MARCHF8: variants seen among roughly 807,000 people sequenced by gnomAD.
MARCHF8 encodes membrane associated ring-CH-type finger 8.
Under a neutral mutation model 51.6 loss-of-function variants are expected in MARCHF8, and 40 were observed. The ratio of observed to expected loss-of-function variants is 0.77; its 90% CI spans 0.60 to 1.01. MARCHF8 has a LOEUF of 1.01. Among genes scored for constraint, MARCHF8 ranks in the 50% least tolerant of loss-of-function variants. The probability of loss-of-function intolerance (pLI) is 0.00; values close to 1 mark genes in which losing one functional copy is unlikely to be tolerated. For missense variants in MARCHF8, 685 were observed against 708.6 expected, an observed-to-expected ratio of 0.97 and a Z score of 0.38; for synonymous variants, 263 against 280.3, an observed-to-expected ratio of 0.94 and a Z score of 0.62.
intron 5 of MARCHF8, chr10:45,461,902 A>G (rs1200025473): frequency 6.6e-6 from 1 of 152,332 alleles, no homozygotes; most frequent in African/African-American, 2.4e-5. Flanking sequence ...TCTCTCAGCA[A>G]GTAAACAAAG....
intron 2 of MARCHF8, among the ~76,000 whole-genome samples, chr10:45,497,252 T>C (rs1050549829): frequency 6.6e-6 from 1 of 152,156 alleles, no homozygotes; most frequent in Admixed American, 6.5e-5. Flanking sequence ...TCAACCATCA[T>C]GAAGGTATAA....
chr10:45,540,030 T>C (rs1251176955), upstream of MARCHF8, among the ~76,000 whole-genome samples: 1 of 152,142 alleles, frequency 6.6e-6, no homozygotes, highest in Non-Finnish European at 1.5e-5. Context: ...TACAAACCAC[T>C]GCTCAATGAA....
intron 3 of MARCHF8, among the ~76,000 whole-genome samples, chr10:45,467,704 A>T (rs1843014627): frequency 1.3e-5 from 2 of 151,694 alleles, no homozygotes; most frequent in South Asian, 4.2e-4. Flanking sequence ...ACTAGATGGG[A>T]CAGGACCAGC....
chr10:45,486,033 T>C (rs1027028404), intron 3 of MARCHF8, among the ~76,000 whole-genome samples: 1 of 152,210 alleles, frequency 6.6e-6, no homozygotes, highest in African/African-American at 2.4e-5. Context: ...CTCCCTTCCT[T>C]GGTCCCACTG....
At chr10:45,528,484 C>T (rs996051238) in intron 2 of MARCHF8, among the ~76,000 whole-genome samples, 3 of 152,080 alleles carry the variant, frequency 2.0e-5, no homozygotes, top group Admixed American at 6.6e-5. Context: ...GTTTTTGAAA[C>T]GGTCTCACTC....
At chr10:45,576,178 AAC>A (rs1013026601) in intron 1 of MARCHF8, among the ~76,000 whole-genome samples, 3 of 152,186 alleles carry the variant, frequency 2.0e-5, no homozygotes, top group African/African-American at 7.2e-5. Context: ...AGATCAAGAG[AAC>A]AGAATACAAA....
At chr10:45,551,819 C>CTA (rs1395612511) in intron 1 of MARCHF8, among the ~76,000 whole-genome samples, 2 of 150,952 alleles carry the variant, frequency 1.3e-5, no homozygotes, top group Non-Finnish European at 3.0e-5. Context: ...AGCTATCTAT[C>CTA]TATATATATA....
In MARCHF8 at chr10:45,463,523, G is replaced by C. The variant is rs1236791911; in HGVS notation, c.716C>G (p.Pro239Arg). The C allele has an allele frequency of 6.4e-7, 1 of 1,550,530 alleles. No individual in the cohort carries two copies. Among genetic ancestry groups the C allele is most frequent in the Non-Finnish European group, 8.7e-7 (1 of 1,147,024 alleles). The change falls in exon 5 of 8, where the codon CCC (proline) becomes CGC (arginine). Residue 239 changes from proline (P) to arginine (R), a missense_variant. Coordinates refer to ENST00000453424, the MANE Select transcript of MARCHF8 (RefSeq NM_001282866.2). ...SEVEAGKGGR[P>R]GLLLEEKADG... Reference sequence around the variant, plus strand: ...CGCCTTCTCTTCCAGCAGCAGGCCGGGCCTGCCCCCCTTGCCAGCTTCCAC... The same window carrying C: ...CGCCTTCTCTTCCAGCAGCAGGCCGCGCCTGCCCCCCTTGCCAGCTTCCAC...
At chr10:45,562,590 G>A (rs1464479695) in intron 1 of MARCHF8, among the ~76,000 whole-genome samples, 1 of 152,090 alleles carries the variant, frequency 6.6e-6, no homozygotes. Context: ...AAGTAACAGA[G>A]TTTATGACCA....
Position 45,508,816 on chromosome 10 carries a change from A to C in MARCHF8, c.103-19399T>G, listed in dbSNP as rs143095346. On this transcript the variant is annotated intron_variant, in intron 2 of 7. Transcript: ENST00000453424. ...CTTTAACTATAGAGTTCATTATTAC[A>C]TTTTAAATTGTTTAAAATTTTTTTA... is the stretch of plus-strand genomic sequence containing the variant. Among the ~76,000 whole-genome samples the C allele has an allele frequency of 3.0e-3, 458 of 152,298 alleles. 1 individual carries two copies. The highest frequency in any genetic ancestry group is 4.3e-3 in the Non-Finnish European group (290 of 68,030).
chr10:45,461,130 G>T, intron 6 of MARCHF8, 101 bp downstream of exon 6: 1 of 873,782 alleles, frequency 1.1e-6, no homozygotes, highest in East Asian at 3.0e-5. Context: ...AGCTTTTTAA[G>T]GAAATGAACG....
chr10:45,540,691 G>C (rs1266566947), intron 1 of MARCHF8, among the ~76,000 whole-genome samples: 1 of 152,114 alleles, frequency 6.6e-6, no homozygotes. Flanking sequence ...CTAATATCCA[G>C]AATCTACAAT....
At chr10:45,576,562 G>A (rs1353502267) in intron 1 of MARCHF8, among the ~76,000 whole-genome samples, 1 of 152,074 alleles carries the variant, frequency 6.6e-6, no homozygotes, top group African/African-American at 2.4e-5. Flanking sequence ...GTTAATAGTT[G>A]TTAATATATG....
In MARCHF8 at chr10:45,560,685, G is replaced by A. The variant is rs376722337; in HGVS notation, c.-78-27396C>T. Among the ~76,000 whole-genome samples, 26 of 152,242 alleles carry A rather than the reference G, an allele frequency of 1.7e-4. No individual in the cohort carries two copies. In the East Asian group the frequency reaches 2.3e-3, roughly 14 times the overall value. ...ATGTGAGTGCATTTTTTCTCCTGTCGTTCAGCCAGGGTCTGCGGGTCGGAC... is the reference window on the plus strand; with the variant it reads ...ATGTGAGTGCATTTTTTCTCCTGTCATTCAGCCAGGGTCTGCGGGTCGGAC... On this transcript the variant is annotated intron_variant, in intron 1 of 6. Coordinates refer to the MARCHF8 transcript ENST00000319836.
In MARCHF8 at chr10:45,463,185, T is replaced by C. The variant is rs752770112; in HGVS notation, c.1054A>G (p.Ile352Val). ...PSPFSEKLPP[I>V]SPVSTSGDVC... The stretch of plus-strand genomic sequence containing the variant: ...TCCCCTGACGTGGACACGGGAGATA[T>C]GGGGGGTAATTTTTCAGAGAAGGGA... The change falls in exon 5 of 8, where the codon ATA (isoleucine) becomes GTA (valine). Residue 352 changes from isoleucine (I) to valine (V), a missense_variant. By Grantham distance (29) the Ile-to-Val change is conservative. Coordinates refer to ENST00000453424, the MANE Select transcript of MARCHF8 (RefSeq NM_001282866.2). 38 of 1,550,274 alleles carry C rather than the reference T, an allele frequency of 2.5e-5. No individual in the cohort carries two copies. The highest frequency in any genetic ancestry group is 1.2e-4 in the African/African-American group (9 of 72,966).
chr10:45,511,673 G>A (rs2043509493), intron 2 of MARCHF8, among the ~76,000 whole-genome samples: 1 of 152,252 alleles, frequency 6.6e-6, no homozygotes, highest in Non-Finnish European at 1.5e-5. Context: ...GCCTCCCGAG[G>A]TGCTGGGATT....
chr10:45,588,050 T>C (rs1564525448), intron 1 of MARCHF8, among the ~76,000 whole-genome samples: 3 of 151,996 alleles, frequency 2.0e-5, no homozygotes, highest in African/African-American at 7.2e-5. Context: ...TGAACCTTAA[T>C]AGTGGAGCTA....
At chr10:45,572,590 G>A (rs928162355) in intron 1 of MARCHF8, among the ~76,000 whole-genome samples, 8 of 152,024 alleles carry the variant, frequency 5.3e-5, no homozygotes, top group Admixed American at 3.3e-4. Context: ...ATAGGCAAAC[G>A]GTCTGAGGTG....
At chr10:45,540,748 A>T (rs546008244) in intron 1 of MARCHF8, among the ~76,000 whole-genome samples, 2 of 152,334 alleles carry the variant, frequency 1.3e-5, no homozygotes, top group Non-Finnish European at 2.9e-5. Context: ...CCCATCAAAA[A>T]GTGGGCGAAG....
Sources: gnomAD v4.1 joint callset for allele counts (sites outside exome capture counted in the v4.1 genomes callset) on GRCh38, gnomAD v4.1.1 for gene constraint, MANE v1.5 for transcripts, NCBI Gene and HGNC (gene_info 2026-07-23, HGNC 2026-07-21) for gene names.